Variants in RIMBP2 observed in about 807,000 individuals in gnomAD.
RIMBP2 encodes the protein RIMS-binding protein 2.
RIMBP2 carries 48 observed loss-of-function variants against 118.6 expected under a neutral mutation model. That is an observed-to-expected ratio of 0.40 (90% CI 0.32 to 0.51). The LOEUF (loss-of-function observed/expected upper bound fraction) is 0.51, where lower values mean the gene tolerates loss of function less well. Ranked by LOEUF, RIMBP2 falls within the 20% of genes least tolerant of loss-of-function variation. The pLI is 0.41. For synonymous variants in RIMBP2, 762 were observed against 742.9 expected, an observed-to-expected ratio of 1.03 and a Z score of -0.42; for missense variants, 1,551 against 1,768.3, an observed-to-expected ratio of 0.88 and a Z score of 2.20.
In RIMBP2 at chr12:130,420,193, G is replaced by C. The variant is rs2076329325; in HGVS notation, c.3238+2260C>G. ...TTTGCCGAGTCCTCCTCCTCCTCAG[G>C]TGGGTGATAAGCACCCTCCGCTTCT... On this transcript the variant is annotated intron_variant, in intron 17 of 22. Coordinates refer to ENST00000690449, the MANE Select transcript of RIMBP2 (RefSeq NM_001393629.1). This position sits in a 1 kb window ranked among gnomAD's most constrained non-coding sequence, Gnocchi z 4.3. Among the ~76,000 whole-genome samples, 1 of 152,134 alleles carries C rather than the reference G, an allele frequency of 6.6e-6. No homozygotes were observed. Among genetic ancestry groups the C allele is most frequent in the South Asian group, 2.1e-4 (1 of 4,822 alleles).
intron 1 of RIMBP2, among the ~76,000 whole-genome samples, chr12:130,630,092 AG>A (rs1352343315): frequency 1.3e-5 from 2 of 152,064 alleles, no homozygotes; most frequent in Non-Finnish European, 2.9e-5. Context: ...TGAATGAAAA[AG>A]ATAGTTGCTG....
chr12:130,503,799 T>G (rs1443712793), intron 4 of RIMBP2, among the ~76,000 whole-genome samples: 4 of 152,230 alleles, frequency 2.6e-5, no homozygotes, highest in African/African-American at 9.6e-5. Flanking sequence ...ATGAGAATCT[T>G]GGAGTAACTA....
At chr12:130,607,577 A>G (rs11061029) in intron 2 of RIMBP2, among the ~76,000 whole-genome samples, 96,777 of 151,282 alleles carry the variant, frequency 0.64, 31,353 homozygotes, top group East Asian at 0.8. Flanking sequence ...TGAGTTTCTC[A>G]GGGACAGGCA....
At chr12:130,567,907 T>G (rs184575745) in intron 2 of RIMBP2, among the ~76,000 whole-genome samples, 4 of 152,318 alleles carry the variant, frequency 2.6e-5, no homozygotes, top group African/African-American at 9.6e-5. Flanking sequence ...CTGCCTCACC[T>G]GATACACCTG....
intron 1 of RIMBP2, among the ~76,000 whole-genome samples, chr12:130,686,453 C>A (rs1408245212): frequency 6.6e-6 from 1 of 152,216 alleles, no homozygotes; most frequent in African/African-American, 2.4e-5. Context: ...CCCTTTGTCC[C>A]ACACGAGGCA....
intron 1 of RIMBP2, among the ~76,000 whole-genome samples, chr12:130,647,395 G>C (rs960542291): frequency 1.8e-5 from 2 of 109,276 alleles, no homozygotes; most frequent in African/African-American, 2.8e-5. Flanking sequence ...GGTAATAGCA[G>C]CTTAAAACAA....
At chr12:130,486,960 G>C (rs1038896912) in intron 4 of RIMBP2, among the ~76,000 whole-genome samples, 5 of 152,170 alleles carry the variant, frequency 3.3e-5, no homozygotes, top group Middle Eastern at 3.4e-3. Context: ...TTGCCCCACA[G>C]CCATTCTCCT....
chr12:130,628,805 C>G (rs568774896), intron 1 of RIMBP2, among the ~76,000 whole-genome samples: 1 of 152,304 alleles, frequency 6.6e-6, no homozygotes, highest in African/African-American at 2.4e-5. Flanking sequence ...CCAGGATAGA[C>G]AGATGATAGC....
chr12:130,645,387 A>G (rs2062817637), intron 1 of RIMBP2, among the ~76,000 whole-genome samples: 1 of 152,196 alleles, frequency 6.6e-6, no homozygotes, highest in Non-Finnish European at 1.5e-5. Context: ...ATAAACCAGA[A>G]TTGAATTTTG....
chr12:130,441,449 T>TAATAATAA (rs1329190041), intron 11 of RIMBP2, among the ~76,000 whole-genome samples: 4 of 144,728 alleles, frequency 2.8e-5, no homozygotes, highest in African/African-American at 5.1e-5. Flanking sequence ...ATAATAATAA[T>TAATAATAA]TTACAAGGAC....
chr12:130,463,879 G>A (rs961111772), intron 6 of RIMBP2, among the ~76,000 whole-genome samples: 13 of 151,956 alleles, frequency 8.6e-5, no homozygotes, highest in African/African-American at 1.5e-4. Context: ...AGGAGCCACC[G>A]AGACCCACCA....
intron 17 of RIMBP2, among the ~76,000 whole-genome samples, chr12:130,416,932 G>A (rs895787734): frequency 1.3e-5 from 2 of 151,546 alleles, no homozygotes; most frequent in Admixed American, 6.6e-5. Context: ...TCACATACAA[G>A]CAGATAATAA....
chr12:130,662,747 G>A (rs968769336), intron 1 of RIMBP2, among the ~76,000 whole-genome samples: 1 of 151,996 alleles, frequency 6.6e-6, no homozygotes, highest in Admixed American at 6.5e-5. Context: ...CTTGAGCCCA[G>A]GAGTTTGAGA....
At chr12:130,438,214 T>G in intron 12 of RIMBP2, 151 bp downstream of exon 12, 1 of 777,160 alleles carries the variant, frequency 1.3e-6, no homozygotes, top group Non-Finnish European at 2.1e-6. Context: ...GGTCCTGGGG[T>G]TCACGCTGAT....
rs2136883918 is a variant in RIMBP2, at chr12:130,710,718, T to C, written c.-352+5504A>G. Among the ~76,000 whole-genome samples the C allele has an allele frequency of 6.6e-6, 1 of 152,096 alleles. No individual in the cohort carries two copies. The highest frequency in any genetic ancestry group is 1.9e-4 in the East Asian group (1 of 5,174). On this transcript the variant is annotated intron_variant, in intron 1 of 22. Transcript: ENST00000690449. The surrounding 1 kb of genome is among the most constrained non-coding windows in gnomAD (Gnocchi z 4.3). The stretch of plus-strand genomic sequence containing the variant: ...TAGGCCAAGGAGAGAGCCCCCCTCA[T>C]CTCCCACACTGGGTCTCTCCAGCAA...
chr12:130,485,723 A>G (rs571627220), intron 4 of RIMBP2, among the ~76,000 whole-genome samples: 1 of 152,314 alleles, frequency 6.6e-6, no homozygotes, highest in Non-Finnish European at 1.5e-5. Context: ...TTCACCAGGC[A>G]CCGAAACAGC....
intron 14 of RIMBP2, chr12:130,432,183 G>A (rs1201457242): frequency 4.4e-6 from 2 of 456,126 alleles, no homozygotes; most frequent in Non-Finnish European, 8.8e-6. Context: ...TCCTGGATAG[G>A]TGAGGAGAAC....
chr12:130,418,372 A>T (rs2076222242), intron 17 of RIMBP2, among the ~76,000 whole-genome samples: 1 of 152,208 alleles, frequency 6.6e-6, no homozygotes, highest in Admixed American at 6.5e-5. Context: ...GTTCAATAGA[A>T]TGTGAAGCGC....
At chr12:130,685,355 T>G (rs1030007857) in intron 1 of RIMBP2, among the ~76,000 whole-genome samples, 1 of 152,108 alleles carries the variant, frequency 6.6e-6, no homozygotes, top group Admixed American at 6.5e-5. Context: ...ATAAAAGCTA[T>G]TAAATAAATA....
Sources: allele counts gnomAD v4.1 joint callset (sites outside exome capture counted in the v4.1 genomes callset), GRCh38; gene constraint gnomAD v4.1.1; non-coding constraint Gnocchi (gnomAD v3.1); transcripts MANE v1.5; gene names NCBI Gene and HGNC (gene_info 2026-07-23, HGNC 2026-07-21).